The following THY1 variants were observed in gnomAD, a reference collection of about 807,000 sequenced individuals.
THY1 encodes thy-1 membrane glycoprotein.
In THY1, 10 loss-of-function variants were observed where a neutral mutation model predicts 14.9. That is an observed-to-expected ratio of 0.67 (90% CI 0.41 to 1.14). The LOEUF (loss-of-function observed/expected upper bound fraction) is 1.14. Among genes scored for constraint, THY1 ranks in the 50% most tolerant of loss-of-function variants. THY1 has a pLI of 0.00. For synonymous variants in THY1, 80 were observed against 90.0 expected (o/e 0.89, Z 0.63); for missense variants, 159 against 202.1 (o/e 0.79, Z 1.29).
Position 119,419,319 on chromosome 11 carries a change from G to A in THY1, c.*89C>T, listed in dbSNP as rs757266891. 8.4e-7 allele frequency: 1 copy of A among 1,185,334 alleles called. No individual in the cohort carries two copies. The highest frequency in any genetic ancestry group is 1.2e-6 in the Non-Finnish European group (1 of 811,492). 73.4% of individuals were successfully genotyped at this position (1,185,334 alleles called of 1,614,324 possible). A position where few individuals can be genotyped will look rare whatever the true frequency, so the allele number is the denominator to read the frequency against. ...CCCCACTTCTCCTCAAGGTTTGAGG[G>A]ATTGGGGGGAGGGGGTCAGCTGACT... is the stretch of plus-strand genomic sequence containing the variant. On this transcript the variant is annotated 3_prime_UTR_variant, in exon 4 of 4. Coordinates refer to ENST00000284240, the MANE Select transcript of THY1 (RefSeq NM_006288.5).
upstream of THY1, chr11:119,423,612 C>T (rs954769499): frequency 6.0e-5 from 12 of 198,942 alleles, no homozygotes; most frequent in African/African-American, 2.9e-4. Context: ...CCACCTCCTC[C>T]GGAGCCTCCA....
In THY1 at chr11:119,419,286, G is replaced by T; in HGVS notation, c.*122C>A. 1 of 875,318 alleles carries T rather than the reference G, an allele frequency of 1.1e-6. No individual in the cohort carries two copies. The highest frequency in any genetic ancestry group is 1.9e-6 in the Non-Finnish European group (1 of 530,906). 54.2% of individuals were successfully genotyped at this position (875,318 alleles called of 1,614,324 possible). ...TGCAGCACTGGAACTCCTGATGAGG[G>T]GTGGGGTCCCCACTTCTCCTCAAGG... On this transcript the variant is annotated 3_prime_UTR_variant, in exon 4 of 4. Coordinates refer to ENST00000284240, the MANE Select transcript of THY1 (RefSeq NM_006288.5).
rs1172699981 is a variant in THY1 at position 119,422,318 on chromosome 11, AG to A, written c.-25+794del. Reference sequence around the variant, plus strand: ...GAGATGTTGTGCGGGCTTGGGATCTAGGAGGGGAAGGGGGAGCAATGGCCAG... The same window carrying A: ...GAGATGTTGTGCGGGCTTGGGATCTAGAGGGGAAGGGGGAGCAATGGCCAG... On this transcript the variant is annotated intron_variant, in intron 1 of 3. Coordinates refer to ENST00000284240, the MANE Select transcript of THY1 (RefSeq NM_006288.5). The surrounding 1 kb of genome is among the most constrained non-coding windows in gnomAD (Gnocchi z 7.0). The A allele has an allele frequency of 6.6e-6, 1 of 152,300 alleles. No homozygotes were observed. Among genetic ancestry groups the A allele is most frequent in the African/African-American group, 2.4e-5 (1 of 41,424 alleles). The allele number at this position is 152,300 out of a possible 1,614,324, so 9.4% of individuals were successfully genotyped here.
intron 1 of THY1, chr11:119,421,217 C>T: frequency 3.1e-6 from 1 of 325,234 alleles, no homozygotes; most frequent in Admixed American, 4.6e-5. Flanking sequence ...TCTTTCTCCT[C>T]TTCTTACATT....
In THY1 at chr11:119,415,763, T is replaced by C. The variant is rs1861761815; in HGVS notation, c.*3645A>G. ...CAGGACATGTTTCTCCTTGAGTGTG[T>C]TGGGGACATTCCAGGCCTGAGAGTG... is the stretch of plus-strand genomic sequence containing the variant. On this transcript the variant is annotated 3_prime_UTR_variant, in exon 4 of 4. Transcript: ENST00000284240. Among the ~76,000 whole-genome samples, 1 of 152,190 alleles carries C rather than the reference T, an allele frequency of 6.6e-6. No individual in the cohort carries two copies. The highest frequency in any genetic ancestry group is 1.5e-5 in the Non-Finnish European group (1 of 68,034).
rs374461533 is a variant in THY1, at chr11:119,419,461, G to C, written c.433C>G (p.Leu145Val). Reference sequence around the variant, plus strand: ...AGGAGGGAGAGGGAGAGCAGGAGCAGCAGCAGCCACGAGGTGTTCTGAGCC... The same window carrying C: ...AGGAGGGAGAGGGAGAGCAGGAGCACCAGCAGCCACGAGGTGTTCTGAGCC... ...LLAQNTSWLL[L>V]LLLSLSLLQA... Residue 145 changes from leucine (L) to valine (V), a missense_variant, in exon 4 of 4, where the codon CTG (leucine) becomes GTG (valine). Leu to Val is a conservative substitution (Grantham distance 32). Transcript: ENST00000284240. 6.2e-7 allele frequency: 1 copy of C among 1,613,982 alleles called. No individual in the cohort carries two copies.
In THY1 at chr11:119,420,728, G is replaced by A. The variant is rs1861883340; in HGVS notation, c.37+141C>T. 5.8e-6 allele frequency: 6 copies of A among 1,035,246 alleles called. No individual in the cohort carries two copies. The South Asian group carries it at 8.9e-5, about 15-fold the overall frequency. The allele number at this position is 1,035,246 out of a possible 1,614,324, so 64.1% of individuals were successfully genotyped here. Reference sequence around the variant, plus strand: ...CCTCAGGCCGTCAGAATATCAGCGCGGTGGATTGGCTGACTTCAGGATGAA... The same window carrying A: ...CCTCAGGCCGTCAGAATATCAGCGCAGTGGATTGGCTGACTTCAGGATGAA... On this transcript the variant is annotated intron_variant, in intron 2 of 3. Transcript: ENST00000284240.
In THY1 at chr11:119,420,866, T is replaced by G. The variant is rs1861886881; in HGVS notation, c.37+3A>C. ...AGCCCCAGTCCTGCCCCATGCCGGG[T>G]ACCTGTTAGCAGGAGAGCGATGCTG... On this transcript the variant is annotated splice_donor_region_variant and intron_variant, in intron 2 of 3. Coordinates refer to ENST00000284240, the MANE Select transcript of THY1 (RefSeq NM_006288.5). 6.2e-7 allele frequency: 1 copy of G among 1,614,072 alleles called. No individual in the cohort carries two copies. The highest frequency in any genetic ancestry group is 8.5e-7 in the Non-Finnish European group (1 of 1,179,984).
intron 1 of THY1, 70 bp downstream of exon 1, chr11:119,423,042 TG>T (rs1169417774): frequency 2.2e-6 from 1 of 454,836 alleles, no homozygotes; most frequent in Non-Finnish European, 4.4e-6. Context: ...CGAAGCCTAG[TG>T]TTGGGAAGTC....
At chr11:119,420,505 C>A in intron 2 of THY1, 119 bp from the exon 3 acceptor site, 1 of 941,428 alleles carries the variant, frequency 1.1e-6, no homozygotes, top group Non-Finnish European at 1.5e-6. Flanking sequence ...TCTCTGAGTG[C>A]CTTTCCCCAC....
At chr11:119,420,572 G>T in intron 2 of THY1, 186 bp from the exon 3 acceptor site, 2 of 652,506 alleles carry the variant, frequency 3.1e-6, no homozygotes, top group Non-Finnish European at 5.2e-6. Flanking sequence ...CTCTGCTTGA[G>T]CCTTGGATCC....
chr11:119,421,085 C>T (rs1024092906), intron 1 of THY1, 156 bp from the exon 2 acceptor site: 21 of 601,428 alleles, frequency 3.5e-5, no homozygotes, highest in Admixed American at 2.9e-4. Flanking sequence ...CATGATACTG[C>T]CACTGGCTCT....
At chr11:119,419,901 G>T in intron 3 of THY1, 150 bp downstream of exon 3, 1 of 866,874 alleles carries the variant, frequency 1.2e-6, no homozygotes, top group Non-Finnish European at 1.7e-6. Flanking sequence ...CACACCGAAG[G>T]CAATGGTTCC....
Position 119,422,093 on chromosome 11 carries a change from T to A in THY1, c.-25+1020A>T, listed in dbSNP as rs542278294. 6.6e-6 allele frequency: 1 copy of A among 152,356 alleles called. No homozygotes were observed. Among genetic ancestry groups the A allele is most frequent in the African/African-American group, 2.4e-5 (1 of 41,560 alleles). The allele number at this position is 152,356 out of a possible 1,614,324, so 9.4% of individuals were successfully genotyped here. A position where few individuals can be genotyped will look rare whatever the true frequency, so the allele number is the denominator to read the frequency against. On this transcript the variant is annotated intron_variant, in intron 1 of 3. Coordinates refer to ENST00000284240, the MANE Select transcript of THY1 (RefSeq NM_006288.5). This position sits in a 1 kb window ranked among gnomAD's most constrained non-coding sequence, Gnocchi z 7.0. ...CGCGCAGGGCATTGCCTCGGTTGAG[T>A]GCGCCCGGGTGCGCAGGGCGCACCA...
In THY1 at chr11:119,417,392, G is replaced by C. The variant is rs1265268274; in HGVS notation, c.*2016C>G. ...AGCCGGTGGCATAATTTAGATCTGA[G>C]GCCTTTAAGAAAAATGCTCAGAAAC... On this transcript the variant is annotated 3_prime_UTR_variant, in exon 4 of 4. Coordinates refer to ENST00000284240, the MANE Select transcript of THY1 (RefSeq NM_006288.5). 1 of 152,178 alleles carries C rather than the reference G, an allele frequency of 6.6e-6. No individual in the cohort carries two copies. Among genetic ancestry groups the C allele is most frequent in the African/African-American group, 2.4e-5 (1 of 41,414 alleles). 9.4% of individuals were successfully genotyped at this position (152,178 alleles called of 1,614,324 possible). A position where few individuals can be genotyped will look rare whatever the true frequency, so the allele number is the denominator to read the frequency against.
rs993609747 is a variant in THY1, at chr11:119,416,278, G to A, written c.*3130C>T. Among the ~76,000 whole-genome samples the A allele has an allele frequency of 2.0e-5, 3 of 152,146 alleles. No individual in the cohort carries two copies. Among genetic ancestry groups the A allele is most frequent in the African/African-American group, 7.2e-5 (3 of 41,410 alleles). ...GGTTAGGACTGGCGAGGGAGTGGATGGGGATGGGGTTGGGGCATGTGTACA... is the reference window on the plus strand; with the variant it reads ...GGTTAGGACTGGCGAGGGAGTGGATAGGGATGGGGTTGGGGCATGTGTACA... On this transcript the variant is annotated 3_prime_UTR_variant, in exon 4 of 4. Transcript: ENST00000284240.
chr11:119,419,320 A>G lies in THY1; in HGVS notation c.*88T>C. 1 of 1,191,474 alleles carries G rather than the reference A, an allele frequency of 8.4e-7. No homozygotes were observed. Among genetic ancestry groups the G allele is most frequent in the Non-Finnish European group, 1.2e-6 (1 of 817,892 alleles). 73.8% of individuals were successfully genotyped at this position (1,191,474 alleles called of 1,614,324 possible). A position where few individuals can be genotyped will look rare whatever the true frequency, so the allele number is the denominator to read the frequency against. On this transcript the variant is annotated 3_prime_UTR_variant, in exon 4 of 4. Transcript: ENST00000284240. ...CCCACTTCTCCTCAAGGTTTGAGGG[A>G]TTGGGGGGAGGGGGTCAGCTGACTC...
upstream of THY1, chr11:119,423,314 G>C: frequency 2.5e-6 from 1 of 393,088 alleles, no homozygotes; most frequent in Non-Finnish European, 5.1e-6. Flanking sequence ...AAGAGAAGGC[G>C]GTCCCGCATT....
intron 3 of THY1, 133 bp downstream of exon 3, chr11:119,419,918 G>T: frequency 1.0e-6 from 1 of 999,556 alleles, no homozygotes; most frequent in Non-Finnish European, 1.4e-6. Context: ...TTCCCCAGTT[G>T]ACCAGGCAGC....
Sources: gnomAD v4.1 joint callset for allele counts (sites outside exome capture counted in the v4.1 genomes callset) on GRCh38, gnomAD v4.1.1 for gene constraint, Gnocchi (gnomAD v3.1) non-coding constraint, MANE v1.5 for transcripts, NCBI Gene and HGNC (gene_info 2026-07-23, HGNC 2026-07-21) for gene names.